Variants in NFIB observed in about 807,000 individuals in gnomAD.
NFIB encodes the protein nuclear factor 1 B-type.
In NFIB, 11 loss-of-function variants were observed where a neutral mutation model predicts 61.5. The ratio of observed to expected loss-of-function variants is 0.18; its 90% CI spans 0.11 to 0.30. The LOEUF is 0.30. NFIB is among the 10% of genes least tolerant of loss of function. The pLI is 1.00. For missense variants in NFIB, 471 were observed against 608.9 expected, an observed-to-expected ratio of 0.77 and a Z score of 2.38; for synonymous variants, 260 against 216.5, an observed-to-expected ratio of 1.20 and a Z score of -1.76.
chr9:14,149,553 A>T (rs545019143), intron 5 of NFIB, among the ~76,000 whole-genome samples: 1 of 152,294 alleles, frequency 6.6e-6, no homozygotes, highest in Non-Finnish European at 1.5e-5. Flanking sequence ...AGAGAAGTAA[A>T]AAGCAAAGAG....
chr9:14,363,216 C>T (rs1015271891), intron 1 of NFIB, among the ~76,000 whole-genome samples: 4 of 152,126 alleles, frequency 2.6e-5, no homozygotes, highest in Admixed American at 2.6e-4. Context: ...CTCCCTCACC[C>T]CCACTCCTGG....
In NFIB at chr9:14,128,438, C is replaced by A. The variant is rs1218263931; in HGVS notation, c.926-2672G>T. Among the ~76,000 whole-genome samples, 3 of 152,066 alleles carry A rather than the reference C, an allele frequency of 2.0e-5. 1 individual carries two copies. The highest frequency in any genetic ancestry group is 2.9e-5 in the Non-Finnish European group (2 of 68,024). On this transcript the variant is annotated intron_variant, in intron 6 of 10. Coordinates refer to ENST00000380953, the MANE Select transcript of NFIB (RefSeq NM_001190737.2). ...TTAGGCCGGGTGCAGTGGCTCACGC[C>A]TGTAATCCCAACACTTTGGGAGGCT...
intron 1 of NFIB, among the ~76,000 whole-genome samples, chr9:14,392,158 C>G (rs998477971): frequency 6.6e-6 from 1 of 152,090 alleles, no homozygotes; most frequent in South Asian, 2.1e-4. Flanking sequence ...ACTGCCACAG[C>G]CAAGAGGAGC....
At chr9:14,400,443 T>C (rs1438764382), upstream of NFIB, among the ~76,000 whole-genome samples, 1 of 151,776 alleles carries the variant, frequency 6.6e-6, no homozygotes, top group Non-Finnish European at 1.5e-5. Context: ...TGTTTTGTTT[T>C]GTTTTTTTGA....
chr9:14,303,101 T>G (rs966429737), intron 2 of NFIB, among the ~76,000 whole-genome samples: 1 of 152,162 alleles, frequency 6.6e-6, no homozygotes, highest in African/African-American at 2.4e-5. Flanking sequence ...CTCTCTCTCT[T>G]TTTAAACATG....
At chr9:14,477,869 G>A in the NFIB span, among the ~76,000 whole-genome samples, 1 of 151,986 alleles carries the variant, frequency 6.6e-6, no homozygotes. Context: ...AAGCATTTTG[G>A]CAAAAAATAG....
At chr9:14,144,792 T>C (rs141715675) in intron 6 of NFIB, among the ~76,000 whole-genome samples, 85 of 152,240 alleles carry the variant, frequency 5.6e-4, no homozygotes, top group African/African-American at 1.9e-3. Flanking sequence ...CTCTGAAGGA[T>C]GGCAAAGAGT....
intron 2 of NFIB, among the ~76,000 whole-genome samples, chr9:14,226,372 A>AT (rs2052416269): frequency 6.6e-6 from 1 of 152,034 alleles, no homozygotes; most frequent in Non-Finnish European, 1.5e-5. Context: ...ACATAGTGAG[A>AT]TCCCCATCTC....
the NFIB span, among the ~76,000 whole-genome samples, chr9:14,516,949 A>G: frequency 6.6e-6 from 1 of 152,222 alleles, no homozygotes; most frequent in Non-Finnish European, 1.5e-5. Flanking sequence ...TGCACAAAAC[A>G]TGATAGAGTA....
intron 2 of NFIB, among the ~76,000 whole-genome samples, chr9:14,293,334 T>C (rs2059219296): frequency 6.6e-6 from 1 of 152,220 alleles, no homozygotes; most frequent in Non-Finnish European, 1.5e-5. Context: ...TCCCAGCATT[T>C]CCATAGTACT....
chr9:14,116,059 C>T, intron 9 of NFIB, 149 bp downstream of exon 9: 1 of 943,272 alleles, frequency 1.1e-6, no homozygotes. Context: ...CTGCTAGCTC[C>T]ACTTAAATGA....
chr9:14,382,878 T>C (rs2061504900), intron 1 of NFIB, among the ~76,000 whole-genome samples: 1 of 152,098 alleles, frequency 6.6e-6, no homozygotes, highest in South Asian at 2.1e-4. Flanking sequence ...AAGCAAGGGA[T>C]GGTAGAAGCT....
At chr9:14,411,903 G>C in the NFIB span, among the ~76,000 whole-genome samples, 818 of 152,310 alleles carry the variant, frequency 5.4e-3, 11 homozygotes, top group African/African-American at 0.017. Context: ...CCGATGGGGA[G>C]GCTAGGGCAG....
At chr9:14,403,521 C>T (rs139157973), upstream of NFIB, among the ~76,000 whole-genome samples, 1 of 151,986 alleles carries the variant, frequency 6.6e-6, no homozygotes, top group Non-Finnish European at 1.5e-5. Context: ...CTCCCCTCCC[C>T]TCCCCTCCTC....
At chr9:14,487,391 A>G in the NFIB span, among the ~76,000 whole-genome samples, 13 of 152,216 alleles carry the variant, frequency 8.5e-5, no homozygotes, top group African/African-American at 2.7e-4. Flanking sequence ...AGAGAGAAAC[A>G]CTTTTCAGAT....
intron 2 of NFIB, among the ~76,000 whole-genome samples, chr9:14,296,217 T>C (rs1335882911): frequency 6.6e-6 from 1 of 152,240 alleles, no homozygotes; most frequent in Non-Finnish European, 1.5e-5. Context: ...CCTTCATATA[T>C]AGTAGTAATT....
intron 2 of NFIB, among the ~76,000 whole-genome samples, chr9:14,260,515 T>A (rs2056647202): frequency 6.6e-6 from 1 of 152,228 alleles, no homozygotes; most frequent in Non-Finnish European, 1.5e-5. Context: ...GTCTAACTTT[T>A]CCCTAAATCT....
At chr9:14,428,321 G>A in the NFIB span, among the ~76,000 whole-genome samples, 3 of 152,120 alleles carry the variant, frequency 2.0e-5, no homozygotes, top group African/African-American at 7.2e-5. Context: ...CATTTTATAA[G>A]CAAGTAGTGA....
At chr9:14,202,990 G>A (rs1459396189) in intron 2 of NFIB, among the ~76,000 whole-genome samples, 1 of 152,180 alleles carries the variant, frequency 6.6e-6, no homozygotes, top group East Asian at 1.9e-4. Context: ...AATTACATCT[G>A]TAAGAACTGT....
Sources: gnomAD v4.1 joint callset for allele counts (sites outside exome capture counted in the v4.1 genomes callset) on GRCh38, gnomAD v4.1.1 for gene constraint, MANE v1.5 for transcripts, NCBI Gene and HGNC (gene_info 2026-07-23, HGNC 2026-07-21) for gene names.